The following RAG2 variants were observed in gnomAD, a reference collection of about 807,000 sequenced individuals.
RAG2 encodes recombination activating 2.
A neutral mutation model predicts 31.8 loss-of-function variants in RAG2; 16 were observed. That is an observed-to-expected ratio of 0.50 (90% CI 0.34 to 0.76). The LOEUF (loss-of-function observed/expected upper bound fraction) is 0.76. Ranked by LOEUF, RAG2 falls within the 30% of genes least tolerant of loss-of-function variation. The probability of loss-of-function intolerance (pLI) is 0.01; values close to 1 mark genes in which losing one functional copy is unlikely to be tolerated. For missense variants in RAG2, 622 were observed against 628.5 expected (o/e 0.99, Z 0.11); for synonymous variants, 199 against 215.9 (o/e 0.92, Z 0.68).
At chr11:36,596,225 T>TG (rs962081379) in intron 1 of RAG2, among the ~76,000 whole-genome samples, 3 of 149,946 alleles carry the variant, frequency 2.0e-5, no homozygotes, top group Admixed American at 6.6e-5. Flanking sequence ...TTTTTTTGTT[T>TG]TTTTTTTTTT....
intron 1 of RAG2, among the ~76,000 whole-genome samples, chr11:36,596,671 C>T (rs1851274686): frequency 6.6e-6 from 1 of 152,162 alleles, no homozygotes; most frequent in African/African-American, 2.4e-5. Flanking sequence ...AACACCAAAG[C>T]CAAGGCCTGC....
In RAG2 at chr11:36,592,397, G is replaced by A. The variant is rs142073874; in HGVS notation, c.*188C>T. ...TATTTGGGTAAAATATTTTCAAAAT[G>A]TATAGGGTCTAGAATGACTTTATTT... On this transcript the variant is annotated 3_prime_UTR_variant, in exon 2 of 2. Transcript: ENST00000311485. 75 of 716,300 alleles carry A rather than the reference G, an allele frequency of 1.0e-4. No individual in the cohort carries two copies. The East Asian group carries it at 1.5e-3, about 14-fold the overall frequency. The allele number at this position is 716,300 out of a possible 1,614,324, so 44.4% of individuals were successfully genotyped here.
Position 36,592,185 on chromosome 11 carries a change from TC to T in RAG2, c.*399del, listed in dbSNP as rs1332679586. The T allele has an allele frequency of 4.6e-6, 1 of 219,258 alleles. No individual in the cohort carries two copies. The highest frequency in any genetic ancestry group is 2.4e-5 in the African/African-American group (1 of 42,184). 13.6% of individuals were successfully genotyped at this position (219,258 alleles called of 1,614,324 possible). On this transcript the variant is annotated 3_prime_UTR_variant, in exon 2 of 2. Coordinates refer to ENST00000311485, the MANE Select transcript of RAG2 (RefSeq NM_000536.4). ...TGTTGCACAAAATAATCAATTTAATTCTTTTGGGTGTTAATTTCTTTATTGG... is the reference window on the plus strand; with the variant it reads ...TGTTGCACAAAATAATCAATTTAATTTTTTGGGTGTTAATTTCTTTATTGG...
chr11:36,593,425 A>G lies in RAG2; in HGVS notation c.744T>C (p.Asn248=). 1 of 1,614,052 alleles carries G rather than the reference A, an allele frequency of 6.2e-7. No homozygotes were observed. The highest frequency in any genetic ancestry group is 8.5e-7 in the Non-Finnish European group (1 of 1,180,034). ...VDLPLGSPAV[N]CTVLPGGISV... Reference sequence around the variant, plus strand: ...AGATTCCTCCTGGCAAGACTGTGCAATTCACAGCTGGGCTACCCAGGGGAA... The same window carrying G: ...AGATTCCTCCTGGCAAGACTGTGCAGTTCACAGCTGGGCTACCCAGGGGAA... Residue 248 remains asparagine (N), a synonymous_variant, in exon 2 of 2, where the codon AAT becomes AAC. Coordinates refer to ENST00000311485, the MANE Select transcript of RAG2 (RefSeq NM_000536.4).
chr11:36,593,412 G>C lies in RAG2; in HGVS notation c.757C>G (p.Pro253Ala). The change falls in exon 2 of 2, where the codon CCA becomes GCA. Residue 253 changes from proline to alanine, a missense_variant. By Grantham distance (27) the Pro-to-Ala change is conservative (BLOSUM62 -1). Coordinates refer to ENST00000311485, the MANE Select transcript of RAG2 (RefSeq NM_000536.4). ...GSPAVNCTVL[P>A]GGISVSSAIL... Reference sequence around the variant, plus strand: ...GCACTGGAGACAGAGATTCCTCCTGGCAAGACTGTGCAATTCACAGCTGGG... The same window carrying C: ...GCACTGGAGACAGAGATTCCTCCTGCCAAGACTGTGCAATTCACAGCTGGG... 1.9e-6 allele frequency: 3 copies of C among 1,613,956 alleles called. No individual in the cohort carries two copies. The highest frequency in any genetic ancestry group is 2.5e-6 in the Non-Finnish European group (3 of 1,180,022).
rs373703454 is a variant in RAG2, at chr11:36,593,835, T to C, written c.334A>G (p.Ile112Val). 27 of 1,614,118 alleles carry C rather than the reference T, an allele frequency of 1.7e-5. No homozygotes were observed. In the African/African-American group the frequency reaches 2.3e-4, roughly 14 times the overall value. Residue 112 changes from isoleucine (I) to valine (V), a missense_variant, in exon 2 of 2, where the codon ATT becomes GTT. Transcript: ENST00000311485. ...ACCTTTTTGTTGTTCTTGCAAACAA[T>C]AGACATGACATAAATCTTATCTGAA... ...EVSDKIYVMS[I>V]VCKNNKKVTF...
At chr11:36,594,221 C>A in intron 1 of RAG2, 26 bp from the exon 2 acceptor site, 2 of 1,366,650 alleles carry the variant, frequency 1.5e-6, no homozygotes, top group Non-Finnish European at 2.1e-6. Flanking sequence ...AATAAAATGA[C>A]TTAGAGATCG....
chr11:36,594,065 C>T lies in RAG2; in HGVS notation c.104G>A (p.Gly35Asp). Residue 35 changes from glycine (G) to aspartate (D), a missense_variant, in exon 2 of 2, where the codon GGC becomes GAC. Transcript: ENST00000311485. ...DGQVFFFGQK[G>D]WPKRSCPTGV... The stretch of plus-strand genomic sequence containing the variant: ...AGTGGGGCAGGATCTTTTGGGCCAG[C>T]CTTTTTGTCCAAAGAAGAAAACTTG... 6.2e-7 allele frequency: 1 copy of T among 1,614,030 alleles called. No homozygotes were observed.
Position 36,592,427 on chromosome 11 carries a change from T to C in RAG2, c.*158A>G. The C allele has an allele frequency of 1.1e-6, 1 of 901,618 alleles. No homozygotes were observed. The highest frequency in any genetic ancestry group is 1.8e-5 in the South Asian group (1 of 56,198). The allele number at this position is 901,618 out of a possible 1,614,324, so 55.9% of individuals were successfully genotyped here. A position where few individuals can be genotyped will look rare whatever the true frequency, so the allele number is the denominator to read the frequency against. ...GGGTCTAGAATGACTTTATTTATCA[T>C]TGCATTATAAACACTTTTTTCTGGC... On this transcript the variant is annotated 3_prime_UTR_variant, in exon 2 of 2. Transcript: ENST00000311485.
chr11:36,592,597 CCTT>C lies in RAG2; in HGVS notation c.1569_1571del (p.Arg524del), dbSNP rs1564995260. Reference sequence around the variant, plus strand: ...GGCTTTTGCAAAACTAATCAAACAACCTTCTAAGAAAGGATTTCTTGGCAGGAG... The same window carrying C: ...GGCTTTTGCAAAACTAATCAAACAACCTAAGAAAGGATTTCTTGGCAGGAG... On this transcript the variant is annotated inframe_deletion, in exon 2 of 2. Coordinates refer to ENST00000311485, the MANE Select transcript of RAG2 (RefSeq NM_000536.4). 1.2e-6 allele frequency: 2 copies of C among 1,614,000 alleles called. No individual in the cohort carries two copies. The highest frequency in any genetic ancestry group is 3.3e-5 in the Admixed American group (2 of 60,016).
At chr11:36,595,591 A>C (rs190955193) in intron 1 of RAG2, among the ~76,000 whole-genome samples, 76 of 152,370 alleles carry the variant, frequency 5.0e-4, no homozygotes, top group Middle Eastern at 3.4e-3. Flanking sequence ...TGGCTCTGCC[A>C]CTAACTACAT....
rs1851045925 is a variant in RAG2 at position 36,592,715 on chromosome 11, G to C, written c.1454C>G (p.Ala485Gly). 6.2e-7 allele frequency: 1 copy of C among 1,607,754 alleles called. No individual in the cohort carries two copies. Among genetic ancestry groups the C allele is most frequent in the Non-Finnish European group, 8.5e-7 (1 of 1,177,316 alleles). ...TCTTTGGGGAGTGTGTAGAGCTCTT[G>C]CTATCTCCACATGCTCATTGCAGTA... ...KYYCNEHVEI[A>G]RALHTPQRVL... The change falls in exon 2 of 2, where the codon GCA becomes GGA. Residue 485 changes from alanine (A) to glycine (G), a missense_variant. Coordinates refer to ENST00000311485, the MANE Select transcript of RAG2 (RefSeq NM_000536.4).
chr11:36,593,258 G>A lies in RAG2; in HGVS notation c.911C>T (p.Thr304Ile), dbSNP rs1851070974. The A allele has an allele frequency of 1.2e-6, 2 of 1,614,140 alleles. No individual in the cohort carries two copies. Among genetic ancestry groups the A allele is most frequent in the Non-Finnish European group, 1.7e-6 (2 of 1,180,034 alleles). Residue 304 changes from threonine (T) to isoleucine (I), a missense_variant, in exon 2 of 2, where the codon ACC (threonine) becomes ATC (isoleucine). Thr to Ile is a moderately conservative substitution (Grantham distance 89, BLOSUM62 -1). Transcript: ENST00000311485. ...DNKIEIREMETPDWTPDIKHS... is the reference protein window; with the variant it reads ...DNKIEIREMEIPDWTPDIKHS... ...CTTAATGTCTGGGGTCCAATCTGGGGTCTCCATCTCACGAATTTCTATCTT... is the reference window on the plus strand; with the variant it reads ...CTTAATGTCTGGGGTCCAATCTGGGATCTCCATCTCACGAATTTCTATCTT...
Position 36,593,305 on chromosome 11 carries a change from G to C in RAG2, c.864C>G (p.Asn288Lys), listed in dbSNP as rs776334417. 1 of 1,614,096 alleles carries C rather than the reference G, an allele frequency of 6.2e-7. No homozygotes were observed. Among genetic ancestry groups the C allele is most frequent in the Non-Finnish European group, 8.5e-7 (1 of 1,180,000 alleles). The change falls in exon 2 of 2, where the codon AAC becomes AAG. Residue 288 changes from asparagine to lysine, a missense_variant. Physicochemically the swap from Asn to Lys is moderately conservative, Grantham distance 94. Transcript: ENST00000311485. ...QLENQKRMIC[N>K]IISLEDNKIE... is the part of the protein sequence containing the mutation. ...TCTTGTTGTCCTCTAAAGAGATGAT[G>C]TTGCAGATCATTCTTTTTTGATTTT...
downstream of RAG2, among the ~76,000 whole-genome samples, chr11:36,591,004 T>C (rs752390069): frequency 3.3e-5 from 5 of 152,166 alleles, no homozygotes; most frequent in Non-Finnish European, 5.9e-5. Flanking sequence ...AGTGGAGTGA[T>C]CCTGAAAAAA....
Position 36,593,998 on chromosome 11 carries a change from C to T in RAG2, c.171G>A (p.Leu57=). 6.2e-7 allele frequency: 1 copy of T among 1,614,148 alleles called. No individual in the cohort carries two copies. Among genetic ancestry groups the T allele is most frequent in the African/African-American group, 1.3e-5 (1 of 75,038 alleles). Residue 57 remains leucine (L), a synonymous_variant, in exon 2 of 2, where the codon CTG becomes CTA. Coordinates refer to ENST00000311485, the MANE Select transcript of RAG2 (RefSeq NM_000536.4). ...HLDVKHNHVK[L]KPTIFSKDSC... The stretch of plus-strand genomic sequence containing the variant: ...AATCCTTAGAGAAAATTGTAGGCTT[C>T]AGTTTGACATGGTTATGCTTTACAT...
chr11:36,596,496 G>T (rs1851263119), intron 1 of RAG2, among the ~76,000 whole-genome samples: 1 of 152,014 alleles, frequency 6.6e-6, no homozygotes, highest in East Asian at 1.9e-4. Context: ...TTTATATCAT[G>T]GCCTACCCAA....
Position 36,593,309 on chromosome 11 carries a change from C to A in RAG2, c.860G>T (p.Cys287Phe). ...YQLENQKRMI[C>F]NIISLEDNKI... Reference sequence around the variant, plus strand: ...GTTGTCCTCTAAAGAGATGATGTTGCAGATCATTCTTTTTTGATTTTCAAG... The same window carrying A: ...GTTGTCCTCTAAAGAGATGATGTTGAAGATCATTCTTTTTTGATTTTCAAG... The change falls in exon 2 of 2, where the codon TGC becomes TTC. Residue 287 changes from cysteine to phenylalanine, a missense_variant. Cys to Phe is a radical substitution (Grantham distance 205). Coordinates refer to ENST00000311485, the MANE Select transcript of RAG2 (RefSeq NM_000536.4). The A allele has an allele frequency of 6.2e-7, 1 of 1,614,098 alleles. No homozygotes were observed. The highest frequency in any genetic ancestry group is 8.5e-7 in the Non-Finnish European group (1 of 1,180,006).
At chr11:36,595,754 C>T (rs16929104) in intron 1 of RAG2, among the ~76,000 whole-genome samples, 3,817 of 152,222 alleles carry the variant, frequency 0.025, 69 homozygotes, top group African/African-American at 0.048. Context: ...ATATAGTAGA[C>T]GATAGTTATG....
Sources: allele counts gnomAD v4.1 joint callset (sites outside exome capture counted in the v4.1 genomes callset), GRCh38; gene constraint gnomAD v4.1.1; transcripts MANE v1.5; gene names NCBI Gene and HGNC (gene_info 2026-07-23, HGNC 2026-07-21).